RPS6KA2: variants seen among roughly 807,000 people sequenced by gnomAD.
RPS6KA2 encodes ribosomal protein S6 kinase A2.
RPS6KA2 carries 42 observed loss-of-function variants against 91.8 expected under a neutral mutation model. The observed-to-expected ratio is 0.46, with a 90% CI of 0.36 to 0.59. The LOEUF (loss-of-function observed/expected upper bound fraction) is 0.59, where lower values mean the gene tolerates loss of function less well. RPS6KA2 is among the 20% of genes least tolerant of loss of function. RPS6KA2 has a pLI of 0.00. For synonymous variants in RPS6KA2, 414 were observed against 393.6 expected (o/e 1.05, Z -0.61); for missense variants, 798 against 978.5 (o/e 0.82, Z 2.46).
In RPS6KA2 at chr6:166,411,645, C is replaced by T. The variant is rs930502984; in HGVS notation, c.*1117G>A. On this transcript the variant is annotated 3_prime_UTR_variant, in exon 21 of 21. Coordinates refer to ENST00000265678, the MANE Select transcript of RPS6KA2 (RefSeq NM_021135.6). This position sits in a 1 kb window ranked among gnomAD's most constrained non-coding sequence, Gnocchi z 4.5. ...TGTGCAACAGAGACACAAAACGCAA[C>T]ACAAAGCCACAGCATCTACAAAGTG... 2 of 152,916 alleles carry T rather than the reference C, an allele frequency of 1.3e-5. No homozygotes were observed. Among genetic ancestry groups the T allele is most frequent in the African/African-American group, 4.8e-5 (2 of 41,456 alleles). 9.5% of individuals were successfully genotyped at this position (152,916 alleles called of 1,614,324 possible).
chr6:166,491,879 T>C (rs770307298), intron 8 of RPS6KA2, among the ~76,000 whole-genome samples: 70 of 152,274 alleles, frequency 4.6e-4, no homozygotes, highest in Admixed American at 7.2e-4. Context: ...TACTAACTTT[T>C]CACAGAATAA....
At chr6:166,815,177 T>C (rs1187437351) in intron 2 of RPS6KA2, among the ~76,000 whole-genome samples, 2 of 152,246 alleles carry the variant, frequency 1.3e-5, no homozygotes, top group East Asian at 3.8e-4. Context: ...AAGTCACTTT[T>C]TGTGGCCATG....
intron 2 of RPS6KA2, among the ~76,000 whole-genome samples, chr6:166,711,760 T>C (rs1219941328): frequency 7.2e-6 from 1 of 138,908 alleles, no homozygotes; most frequent in Non-Finnish European, 1.6e-5. Context: ...AGAACATAAA[T>C]AAATAAAAGG....
chr6:166,595,928 C>G (rs917445897), intron 1 of RPS6KA2, among the ~76,000 whole-genome samples: 1 of 152,190 alleles, frequency 6.6e-6, no homozygotes, highest in African/African-American at 2.4e-5. Context: ...AAGAGAATGG[C>G]TTTTAGAACT....
At position 166,568,621 on chromosome 6, in the gene RPS6KA2, G is replaced by GAAAAAAAAAAA. The variant is rs60613942; in HGVS notation, c.100-29848_100-29838dup. Among the ~76,000 whole-genome samples the GAAAAAAAAAAA allele has an allele frequency of 1.3e-4, 6 of 45,552 alleles. 1 individual carries two copies. The highest frequency in any genetic ancestry group is 3.3e-4 in the Admixed American group (1 of 3,058). 29.9% of individuals were successfully genotyped at this position (45,552 alleles called of 152,430 possible). On this transcript the variant is annotated intron_variant, in intron 1 of 20. Transcript: ENST00000265678. Reference sequence around the variant, plus strand: ...ACAACAAGAGCAAAACTCCATCTCAGAAAAAAAAAAAAAAAAAAAAAAAAA... The same window carrying GAAAAAAAAAAA: ...ACAACAAGAGCAAAACTCCATCTCAGAAAAAAAAAAAAAAAAAAAAAAAAAAAAAAAAAAAA...
chr6:166,505,187 C>T (rs1782155131), intron 5 of RPS6KA2, among the ~76,000 whole-genome samples: 1 of 152,016 alleles, frequency 6.6e-6, no homozygotes, highest in African/African-American at 2.4e-5. Flanking sequence ...GTGCCCCAAG[C>T]TGAGGGGGCG....
At chr6:166,829,513 C>T (rs1382792991) in intron 2 of RPS6KA2, among the ~76,000 whole-genome samples, 1 of 144,448 alleles carries the variant, frequency 6.9e-6, no homozygotes, top group Non-Finnish European at 1.5e-5. Flanking sequence ...ATGGCGTGAA[C>T]CTGGAGGCGG....
chr6:166,779,835 C>T (rs1175564097), intron 2 of RPS6KA2, among the ~76,000 whole-genome samples: 1 of 152,114 alleles, frequency 6.6e-6, no homozygotes. Flanking sequence ...CTGGGGCTAG[C>T]GTTGCCGACG....
chr6:166,663,036 G>T (rs1788205318), intron 2 of RPS6KA2, among the ~76,000 whole-genome samples: 1 of 152,070 alleles, frequency 6.6e-6, no homozygotes, highest in African/African-American at 2.4e-5. Flanking sequence ...CAAGCCTCCA[G>T]AACTGAGAGA....
chr6:166,544,205 C>T (rs1413494074), intron 1 of RPS6KA2, among the ~76,000 whole-genome samples: 1 of 152,248 alleles, frequency 6.6e-6, no homozygotes, highest in Admixed American at 6.5e-5. Context: ...TTGTATTTCA[C>T]ATGAGGGCTA....
At chr6:166,541,840 A>G (rs944370279) in intron 1 of RPS6KA2, among the ~76,000 whole-genome samples, 1 of 152,254 alleles carries the variant, frequency 6.6e-6, no homozygotes, top group Non-Finnish European at 1.5e-5. Context: ...AAGTACACAC[A>G]TAATTTCATC....
At chr6:166,475,558 G>A (rs1420532576) in intron 10 of RPS6KA2, among the ~76,000 whole-genome samples, 1 of 152,198 alleles carries the variant, frequency 6.6e-6, no homozygotes, top group Admixed American at 6.5e-5. Context: ...TCACAGAGCA[G>A]CTCTGTCGCC....
At chr6:166,681,471 T>G (rs1232180884) in intron 2 of RPS6KA2, among the ~76,000 whole-genome samples, 2 of 152,138 alleles carry the variant, frequency 1.3e-5, no homozygotes, top group Non-Finnish European at 2.9e-5. Flanking sequence ...ACACGGCATC[T>G]CCTACCCCTA....
At chr6:166,678,313 C>T (rs1330853282) in intron 2 of RPS6KA2, among the ~76,000 whole-genome samples, 1 of 152,222 alleles carries the variant, frequency 6.6e-6, no homozygotes, top group Non-Finnish European at 1.5e-5. Flanking sequence ...GAACATCTCT[C>T]ATCCCCCTGA....
intron 2 of RPS6KA2, among the ~76,000 whole-genome samples, chr6:166,647,763 C>T (rs1431103932): frequency 6.6e-6 from 1 of 151,974 alleles, no homozygotes; most frequent in East Asian, 1.9e-4. Flanking sequence ...CACACACACA[C>T]GCACATGCTC....
upstream of RPS6KA2, among the ~76,000 whole-genome samples, chr6:166,629,368 A>G (rs868345137): frequency 2.6e-5 from 4 of 152,276 alleles, no homozygotes; most frequent in South Asian, 2.1e-4. Context: ...TGGAAAGGAA[A>G]TATTTCATGG....
At chr6:166,598,987 T>C (rs1427595653) in intron 1 of RPS6KA2, among the ~76,000 whole-genome samples, 1 of 152,220 alleles carries the variant, frequency 6.6e-6, no homozygotes, top group African/African-American at 2.4e-5. Flanking sequence ...GGGTTACTGC[T>C]GCTTGTCCAG....
intron 2 of RPS6KA2, among the ~76,000 whole-genome samples, chr6:166,846,925 T>C (rs1481620052): frequency 6.6e-6 from 1 of 152,178 alleles, no homozygotes; most frequent in African/African-American, 2.4e-5. Flanking sequence ...AAACTGTCAC[T>C]GTTTGCTGAT....
chr6:166,614,693 G>A (rs1417154199), intron 1 of RPS6KA2, among the ~76,000 whole-genome samples: 6 of 152,166 alleles, frequency 3.9e-5, no homozygotes, highest in East Asian at 3.9e-4. Context: ...TGGCAAGGCC[G>A]GTCCCTCCGG....
Sources: allele counts gnomAD v4.1 joint callset (sites outside exome capture counted in the v4.1 genomes callset), GRCh38; gene constraint gnomAD v4.1.1; non-coding constraint Gnocchi (gnomAD v3.1); transcripts MANE v1.5; gene names NCBI Gene and HGNC (gene_info 2026-07-23, HGNC 2026-07-21).